KIF21A: variants seen among roughly 807,000 people sequenced by gnomAD.
KIF21A encodes kinesin-like protein KIF21A.
A neutral mutation model predicts 202.9 loss-of-function variants in KIF21A; 114 were observed. The ratio of observed to expected loss-of-function variants is 0.56; its 90% CI spans 0.48 to 0.66. The LOEUF (loss-of-function observed/expected upper bound fraction) is 0.66, where lower values mean the gene tolerates loss of function less well. Ranked by LOEUF, KIF21A falls within the 30% of genes least tolerant of loss-of-function variation. The pLI is 0.00. For synonymous variants in KIF21A, 667 were observed against 670.8 expected, an observed-to-expected ratio of 0.99 and a Z score of 0.09; for missense variants, 1,677 against 1,994.9, an observed-to-expected ratio of 0.84 and a Z score of 3.04.
intron 17 of KIF21A, among the ~76,000 whole-genome samples, chr12:39,334,817 T>C (rs1200472753): frequency 6.6e-6 from 1 of 152,188 alleles, no homozygotes; most frequent in Non-Finnish European, 1.5e-5. Context: ...GTCTTTATAA[T>C]AGAATATAGG....
At chr12:39,305,072 G>T in intron 34 of KIF21A, 134 bp from the exon 35 acceptor site, 1 of 606,700 alleles carries the variant, frequency 1.6e-6, no homozygotes, top group Non-Finnish European at 3.0e-6. Context: ...TATGTTTAGA[G>T]ATGGGATCTT....
At position 39,340,929 on chromosome 12, in the gene KIF21A, C is replaced by T; in HGVS notation, c.2087G>A (p.Arg696Lys). The change falls in exon 15 of 38, where the codon AGA becomes AAA. Residue 696 changes from arginine to lysine, a missense_variant. Coordinates refer to ENST00000361418, the MANE Select transcript of KIF21A (RefSeq NM_001173464.2). ...QHKIRDTQLE[R>K]DQVLQNLGSV... ...ACCTAAGTTTTGAAGCACCTGGTCT[C>T]TTTCAAGCTGAGTATCCCGAATTTT... 1 of 1,612,610 alleles carries T rather than the reference C, an allele frequency of 6.2e-7. No individual in the cohort carries two copies. Among genetic ancestry groups the T allele is most frequent in the Non-Finnish European group, 8.5e-7 (1 of 1,178,968 alleles).
At chr12:39,356,744 A>G (rs1948802463) in intron 10 of KIF21A, 88 bp downstream of exon 10, 4 of 700,440 alleles carry the variant, frequency 5.7e-6, no homozygotes, top group Non-Finnish European at 1.0e-5. Context: ...ACAACTGTTG[A>G]ACACTAAGCC....
intron 35 of KIF21A, among the ~76,000 whole-genome samples, chr12:39,303,812 C>A (rs1943198697): frequency 6.6e-6 from 1 of 152,178 alleles, no homozygotes; most frequent in Admixed American, 6.5e-5. Context: ...TCACTTTCCT[C>A]AGTTGCACTC....
In KIF21A at chr12:39,343,351, C is replaced by G. The variant is rs573752667; in HGVS notation, c.1713-1227G>C. Among the ~76,000 whole-genome samples the G allele has an allele frequency of 1.3e-4, 20 of 151,906 alleles. No individual in the cohort carries two copies. In the South Asian group the frequency reaches 3.3e-3, roughly 25 times the overall value. ...CTCTAGCCCGGGCAACAGAGCGAGA[C>G]TCTGTCTCAAAAATAAATTAATTAA... On this transcript the variant is annotated intron_variant, in intron 12 of 37. Coordinates refer to ENST00000361418, the MANE Select transcript of KIF21A (RefSeq NM_001173464.2).
intron 7 of KIF21A, 121 bp downstream of exon 7, chr12:39,362,977 G>C (rs1378939183): frequency 2.9e-6 from 2 of 691,326 alleles, no homozygotes; most frequent in African/African-American, 3.5e-5. Flanking sequence ...ACAGTATAAG[G>C]ATTAGTTCCT....
At chr12:39,367,368 T>C (rs891688208) in intron 4 of KIF21A, among the ~76,000 whole-genome samples, 10 of 152,206 alleles carry the variant, frequency 6.6e-5, no homozygotes, top group Admixed American at 6.5e-4. Context: ...AAGAAAACAC[T>C]GAGATTCCAT....
In KIF21A at chr12:39,301,503, G is replaced by A. The variant is rs1565629950; in HGVS notation, c.4908C>T (p.Ser1636=). The change falls in exon 37 of 38, where the codon TCC becomes TCT. Residue 1636 remains serine (S), a synonymous_variant. Coordinates refer to ENST00000361418, the MANE Select transcript of KIF21A (RefSeq NM_001173464.2). ...DSPINAICVN[S]THIFTAADDR... ...ACTCAGCTGCAGTAAAAATGTGGGT[G>A]GAATTAACACATATGGCATTGATAG... The A allele has an allele frequency of 4.3e-6, 7 of 1,613,804 alleles. No individual in the cohort carries two copies. The highest frequency in any genetic ancestry group is 5.9e-6 in the Non-Finnish European group (7 of 1,179,842).
chr12:39,442,952 C>G lies in KIF21A; in HGVS notation c.19G>C (p.Glu7Gln). The G allele has an allele frequency of 6.6e-7, 1 of 1,523,014 alleles. No homozygotes were observed. The highest frequency in any genetic ancestry group is 8.8e-7 in the Non-Finnish European group (1 of 1,142,410). The allele number at this position is 1,523,014 out of a possible 1,614,324, so 94.3% of individuals were successfully genotyped here. The change falls in exon 1 of 38, where the codon GAG (glutamate) becomes CAG (glutamine). Residue 7 changes from glutamate to glutamine, a missense_variant. Physicochemically the swap from Glu to Gln is conservative, Grantham distance 29. Coordinates refer to ENST00000361418, the MANE Select transcript of KIF21A (RefSeq NM_001173464.2). This position sits in a 1 kb window ranked among gnomAD's most constrained non-coding sequence, Gnocchi z 5.0. Reference sequence around the variant, plus strand: ...CTGACAGCCACCCGCACGGAGCTCTCGTCCGGGGCGCCCAACATGCTGGCG... The same window carrying G: ...CTGACAGCCACCCGCACGGAGCTCTGGTCCGGGGCGCCCAACATGCTGGCG... MLGAPDESSVRVAVRIR... is the reference protein window; with the variant it reads MLGAPDQSSVRVAVRIR...
At chr12:39,349,452 T>G (rs185996550) in intron 11 of KIF21A, among the ~76,000 whole-genome samples, 2 of 152,196 alleles carry the variant, frequency 1.3e-5, no homozygotes, top group Middle Eastern at 3.4e-3. Context: ...AAGCATGGAA[T>G]GTAACTCAAC....
chr12:39,408,694 G>C (rs1952814156), intron 1 of KIF21A, among the ~76,000 whole-genome samples: 1 of 152,182 alleles, frequency 6.6e-6, no homozygotes, highest in Admixed American at 6.5e-5. Flanking sequence ...AGCACAGAGA[G>C]AAAGAAGAAG....
chr12:39,435,060 A>G (rs955652754), intron 1 of KIF21A, among the ~76,000 whole-genome samples: 2 of 152,214 alleles, frequency 1.3e-5, no homozygotes, highest in African/African-American at 4.8e-5. Flanking sequence ...CTTACTACAC[A>G]CTAAGATACC....
intron 1 of KIF21A, among the ~76,000 whole-genome samples, chr12:39,438,945 T>A (rs1458908365): frequency 6.6e-6 from 1 of 152,208 alleles, no homozygotes; most frequent in African/African-American, 2.4e-5. Context: ...TAAGAATAGA[T>A]TCTACATTGT....
intron 1 of KIF21A, among the ~76,000 whole-genome samples, chr12:39,433,539 G>A (rs1272539621): frequency 6.6e-6 from 1 of 152,152 alleles, no homozygotes; most frequent in African/African-American, 2.4e-5. Flanking sequence ...CAAAAATCTG[G>A]TGCAACCTAA....
chr12:39,367,959 A>G lies in KIF21A; in HGVS notation c.524T>C (p.Ile175Thr). 1 of 1,607,446 alleles carries G rather than the reference A, an allele frequency of 6.2e-7. No homozygotes were observed. Among genetic ancestry groups the G allele is most frequent in the Non-Finnish European group, 8.5e-7 (1 of 1,174,340 alleles). ...DIDAKSKKSN[I>T]RIHEDSTGGI... ...TCCAGTTGAATCTTCATGAATTCTT[A>G]TATTTGATTTTTTACTTTTTGCATC... The change falls in exon 4 of 38, where the codon ATA becomes ACA. Residue 175 changes from isoleucine to threonine, a missense_variant. Physicochemically the swap from Ile to Thr is moderately conservative, Grantham distance 89. Around this residue, in one of 3 missense-constraint regions of KIF21A, gnomAD observed 966 missense variants for 1,180.9 expected, o/e 0.82. Coordinates refer to ENST00000361418, the MANE Select transcript of KIF21A (RefSeq NM_001173464.2).
In KIF21A at chr12:39,325,689, T is replaced by C. The variant is rs554172714; in HGVS notation, c.3456+150A>G. Reference sequence around the variant, plus strand: ...TTTTCAGTTACCACTTAAAGGGAAATATGATTAAAAAAACTAAATAAAGAA... The same window carrying C: ...TTTTCAGTTACCACTTAAAGGGAAACATGATTAAAAAAACTAAATAAAGAA... On this transcript the variant is annotated intron_variant, in intron 26 of 37. Coordinates refer to ENST00000361418, the MANE Select transcript of KIF21A (RefSeq NM_001173464.2). 5.9e-5 allele frequency: 37 copies of C among 631,502 alleles called. No individual in the cohort carries two copies. In the South Asian group the frequency reaches 6.7e-4, roughly 11 times the overall value. 39.1% of individuals were successfully genotyped at this position (631,502 alleles called of 1,614,324 possible). A position where few individuals can be genotyped will look rare whatever the true frequency, so the allele number is the denominator to read the frequency against.
intron 1 of KIF21A, among the ~76,000 whole-genome samples, chr12:39,440,409 C>A (rs920957703): frequency 6.6e-6 from 1 of 152,110 alleles, no homozygotes; most frequent in African/African-American, 2.4e-5. Context: ...TTCTGTGCCT[C>A]ATCTGTAAAT....
At chr12:39,299,942 G>A (rs1942807895) in intron 37 of KIF21A, among the ~76,000 whole-genome samples, 2 of 152,022 alleles carry the variant, frequency 1.3e-5, no homozygotes, top group South Asian at 2.1e-4. Context: ...AGACACTGGG[G>A]CCTATTTGAG....
At position 39,341,571 on chromosome 12, in the gene KIF21A, C is replaced by G. The variant is rs747284637; in HGVS notation, c.1855G>C (p.Glu619Gln). 20 of 1,609,156 alleles carry G rather than the reference C, an allele frequency of 1.2e-5. No individual in the cohort carries two copies. The African/African-American group carries it at 2.7e-4, about 22-fold the overall frequency. Reference sequence around the variant, plus strand: ...CCCCCATCAATGTCATCTTCCTCCTCCTCCTCCTCCTCTTCTTCATCCTCA... The same window carrying G: ...CCCCCATCAATGTCATCTTCCTCCTGCTCCTCCTCCTCTTCTTCATCCTCA... ...DHEDEEEEEE[E>Q]EEDDIDGGES... The change falls in exon 14 of 38, where the codon GAG becomes CAG. Residue 619 changes from glutamate (E) to glutamine (Q), a missense_variant. This residue lies in a region of KIF21A where 966 missense variants were observed against 1,180.9 expected (regional missense o/e 0.82). Transcript: ENST00000361418.
Sources: gnomAD v4.1 joint callset for allele counts (sites outside exome capture counted in the v4.1 genomes callset) on GRCh38, gnomAD v4.1.1 for gene constraint, gnomAD v4.1.1 regional missense constraint, Gnocchi (gnomAD v3.1) non-coding constraint, MANE v1.5 for transcripts, NCBI Gene and HGNC (gene_info 2026-07-23, HGNC 2026-07-21) for gene names.